The following TP53BP1 variants were observed in gnomAD, a reference collection of about 807,000 sequenced individuals.
TP53BP1 encodes the protein tumor protein p53 binding protein 1.
In TP53BP1, 61 loss-of-function variants were observed where a neutral mutation model predicts 200.8. That is an observed-to-expected ratio of 0.30 (90% CI 0.25 to 0.38). The LOEUF is 0.38. Among genes scored for constraint, TP53BP1 ranks in the 10% least tolerant of loss-of-function variants. TP53BP1 has a pLI of 1.00. For synonymous variants in TP53BP1, 822 were observed against 844.3 expected (o/e 0.97, Z 0.46); for missense variants, 2,144 against 2,371.9 (o/e 0.90, Z 2.00).
At position 43,480,926 on chromosome 15, in the gene TP53BP1, T is replaced by C. The variant is rs564970423; in HGVS notation, c.468A>G (p.Ser156=). 1.1e-5 allele frequency: 17 copies of C among 1,614,162 alleles called. No individual in the cohort carries two copies. The South Asian group carries it at 1.6e-4, about 16-fold the overall frequency. Residue 156 remains serine, a synonymous_variant, in exon 5 of 28, where the codon TCA becomes TCG. Transcript: ENST00000382044. ...CACCAAGGGAATGTGTAGTATTGCC[T>C]GAAGTATCTTCTTCCTTCTCTTTCT... ...QKEKEKEEDT[S]GNTTHSLGAE... is the part of the protein sequence containing the mutation.
intron 18 of TP53BP1, among the ~76,000 whole-genome samples, chr15:43,422,750 T>G (rs759090619): frequency 2.8e-4 from 42 of 152,084 alleles, no homozygotes; most frequent in African/African-American, 1.0e-3. Context: ...TCCCAGCACT[T>G]TGGGAGGCCA....
chr15:43,439,257 G>A (rs1329300597), intron 15 of TP53BP1, among the ~76,000 whole-genome samples: 2 of 152,120 alleles, frequency 1.3e-5, no homozygotes, highest in Non-Finnish European at 2.9e-5. Flanking sequence ...TTTCATGTAC[G>A]CTGGGCACGG....
intron 5 of TP53BP1, 79 bp downstream of exon 5, chr15:43,480,816 G>A (rs1044330592): frequency 6.8e-7 from 1 of 1,476,978 alleles, no homozygotes; most frequent in Non-Finnish European, 9.3e-7. Context: ...CTAATAAAGA[G>A]GAGAAATTTA....
chr15:43,510,520 A>C (rs540352336), exon 1 of TP53BP1: 1,623 of 156,462 alleles, frequency 0.01, 14 homozygotes, highest in Non-Finnish European at 0.018. Flanking sequence ...AAAAAAAAAA[A>C]AAAACACGCC....
upstream of TP53BP1, among the ~76,000 whole-genome samples, chr15:43,496,598 T>A (rs965540698): frequency 6.6e-6 from 1 of 151,732 alleles, no homozygotes; most frequent in African/African-American, 2.4e-5. Flanking sequence ...CCAAATTTAA[T>A]GATAGGAAAA....
rs1595507332 is a variant in TP53BP1 at position 43,405,089 on chromosome 15, T to A, written c.*2294A>T. The A allele has an allele frequency of 7.2e-6, 9 of 1,250,782 alleles. No homozygotes were observed. The East Asian group carries it at 1.7e-4, about 23-fold the overall frequency. The allele number at this position is 1,250,782 out of a possible 1,614,324, so 77.5% of individuals were successfully genotyped here. On this transcript the variant is annotated 3_prime_UTR_variant, in exon 28 of 28. Coordinates refer to ENST00000382044, the MANE Select transcript of TP53BP1 (RefSeq NM_001141980.3). ...TTGTAGCAGAAGAGTCAAAAGAAAC[T>A]CTTCAGTTTTAAGATGACATTATTT...
rs1275863017 is a variant in TP53BP1, at chr15:43,492,541, T to C, written c.8-73A>G. 6 of 1,263,200 alleles carry C rather than the reference T, an allele frequency of 4.7e-6. 1 individual carries two copies. In the South Asian group the frequency reaches 6.7e-5, roughly 14 times the overall value. 78.2% of individuals were successfully genotyped at this position (1,263,200 alleles called of 1,614,324 possible). ...GCTCACGCAGTCTAAACCTAAATAA[T>C]GGGGCGGAAGTACAAGAGCTGGGAA... On this transcript the variant is annotated intron_variant, in intron 1 of 27. Transcript: ENST00000382044.
intron 12 of TP53BP1, among the ~76,000 whole-genome samples, chr15:43,455,656 G>A (rs886295139): frequency 6.6e-6 from 1 of 152,034 alleles, no homozygotes; most frequent in Non-Finnish European, 1.5e-5. Context: ...GGGAGGTGGA[G>A]GTTGCAGGGA....
At chr15:43,504,740 C>G (rs182440811) in intron 1 of TP53BP1, among the ~76,000 whole-genome samples, 1 of 152,294 alleles carries the variant, frequency 6.6e-6, no homozygotes, top group East Asian at 1.9e-4. Flanking sequence ...ATATTTGCGG[C>G]CAGGCACGGT....
At chr15:43,491,077 T>C (rs570793907) in intron 4 of TP53BP1, among the ~76,000 whole-genome samples, 2 of 147,146 alleles carry the variant, frequency 1.4e-5, no homozygotes, top group Non-Finnish European at 3.0e-5. Flanking sequence ...ACTCCTAAAT[T>C]TTTTTTTTTT....
intron 4 of TP53BP1, among the ~76,000 whole-genome samples, chr15:43,486,228 T>G (rs987862256): frequency 2.0e-5 from 3 of 151,894 alleles, no homozygotes; most frequent in African/African-American, 7.3e-5. Flanking sequence ...AATACAAAAT[T>G]AGCCGGGCAT....
intron 25 of TP53BP1, 103 bp from the exon 26 acceptor site, chr15:43,409,199 C>A: frequency 1.9e-6 from 2 of 1,027,578 alleles, no homozygotes; most frequent in South Asian, 2.9e-5. Flanking sequence ...AGACTCCCAA[C>A]TACTACCCAA....
chr15:43,413,786 GAA>G (rs758315193), intron 23 of TP53BP1, among the ~76,000 whole-genome samples: 1 of 134,572 alleles, frequency 7.4e-6, no homozygotes, highest in African/African-American at 2.7e-5. Context: ...GCAGCCTTTG[GAA>G]AAAAAAAAAA....
chr15:43,480,869 T>C lies in TP53BP1; in HGVS notation c.499+26A>G, dbSNP rs757996630. The C allele has an allele frequency of 2.8e-5, 45 of 1,613,326 alleles. 1 individual carries two copies. In the Middle Eastern group the frequency reaches 5.0e-4, roughly 18 times the overall value. ...GTTAAAGGGAAGTTAGAACAGTCTA[T>C]TATTCTGAAAAAAGCACAAGGCTAC... On this transcript the variant is annotated intron_variant, in intron 5 of 27. Coordinates refer to ENST00000382044, the MANE Select transcript of TP53BP1 (RefSeq NM_001141980.3).
chr15:43,409,676 A>G lies in TP53BP1; in HGVS notation c.5371T>C (p.Tyr1791His), dbSNP rs2045047110. ...GCTTCATTGAAATCTTCAAGGATAT[A>G]GCCAGCTCCTGCTCGAAGCTGGGAT... ...TESQLRAGAGYILEDFNEAQC... is the reference protein window; with the variant it reads ...TESQLRAGAGHILEDFNEAQC... The change falls in exon 25 of 28, where the codon TAT becomes CAT. Residue 1791 changes from tyrosine to histidine, a missense_variant. Transcript: ENST00000382044. The G allele has an allele frequency of 1.3e-6, 2 of 1,574,722 alleles. No individual in the cohort carries two copies. Among genetic ancestry groups the G allele is most frequent in the Non-Finnish European group, 1.7e-6 (2 of 1,162,810 alleles).
chr15:43,496,622 CTTT>C (rs201302525), upstream of TP53BP1, among the ~76,000 whole-genome samples: 7 of 135,140 alleles, frequency 5.2e-5, no homozygotes, highest in Admixed American at 7.6e-5. Flanking sequence ...TCATATATTC[CTTT>C]TTTTTTTTTT....
intron 11 of TP53BP1, among the ~76,000 whole-genome samples, chr15:43,459,119 C>T (rs902695128): frequency 6.6e-6 from 1 of 152,154 alleles, no homozygotes; most frequent in African/African-American, 2.4e-5. Flanking sequence ...AGGCAGATCT[C>T]TTGAGGCCAG....
At chr15:43,431,402 T>TTTTCATCTA (rs1162169671) in intron 17 of TP53BP1, among the ~76,000 whole-genome samples, 1 of 152,114 alleles carries the variant, frequency 6.6e-6, no homozygotes, top group Non-Finnish European at 1.5e-5. Context: ...CTACGACTTC[T>TTTTCATCTA]TTTCATCTAC....
chr15:43,454,170 A>C (rs2046239034), intron 12 of TP53BP1, among the ~76,000 whole-genome samples: 1 of 151,644 alleles, frequency 6.6e-6, no homozygotes, highest in African/African-American at 2.4e-5. Flanking sequence ...GCGCCACTGC[A>C]CTCCAGCCCA....
Sources: allele counts gnomAD v4.1 joint callset (sites outside exome capture counted in the v4.1 genomes callset), GRCh38; gene constraint gnomAD v4.1.1; transcripts MANE v1.5; gene names NCBI Gene and HGNC (gene_info 2026-07-23, HGNC 2026-07-21).